TOMM5: variants seen among roughly 807,000 people sequenced by gnomAD.
TOMM5 encodes the protein mitochondrial import receptor subunit TOM5 homolog.
In TOMM5, 1 loss-of-function variant was observed where a neutral mutation model predicts 4.8. The ratio of observed to expected loss-of-function variants is 0.21; its 90% CI spans 0.07 to 0.99. TOMM5 has a LOEUF of 0.99. TOMM5 is among the 50% of genes least tolerant of loss of function. The pLI is 0.60. For synonymous variants in TOMM5, 26 were observed against 26.7 expected, an observed-to-expected ratio of 0.97 and a Z score of 0.08; for missense variants, 60 against 66.6, an observed-to-expected ratio of 0.90 and a Z score of 0.35.
At chr9:37,589,004 G>T in intron 1 of TOMM5, 72 bp from the exon 2 acceptor site, 1 of 1,342,688 alleles carries the variant, frequency 7.4e-7, no homozygotes, top group Non-Finnish European at 1.1e-6. Context: ...GAATTATCAG[G>T]TTTATTCAAC....
chr9:37,588,816 T>G lies in TOMM5; in HGVS notation c.*82A>C. The stretch of plus-strand genomic sequence containing the variant: ...CCATTCAAAGAGTCTCTTACACCTT[T>G]CTGGGCCTATTCACTTGCAGAGAGG... On this transcript the variant is annotated 3_prime_UTR_variant, in exon 2 of 2. Coordinates refer to ENST00000321301, the MANE Select transcript of TOMM5 (RefSeq NM_001001790.3). The G allele has an allele frequency of 7.3e-7, 1 of 1,377,546 alleles. No individual in the cohort carries two copies. The highest frequency in any genetic ancestry group is 1.0e-6 in the Non-Finnish European group (1 of 964,840). 85.3% of individuals were successfully genotyped at this position (1,377,546 alleles called of 1,614,324 possible).
chr9:37,592,224 C>G, intron 1 of TOMM5, 188 bp downstream of exon 1: 1 of 1,530,948 alleles, frequency 6.5e-7, no homozygotes, highest in South Asian at 1.2e-5. Context: ...ACCACGTGCA[C>G]TTCAGTGCCC....
Position 37,592,591 on chromosome 9 carries a change from C to A in TOMM5, c.-59G>T, listed in dbSNP as rs1588875010. The A allele has an allele frequency of 1.3e-6, 2 of 1,575,282 alleles. No individual in the cohort carries two copies. Among genetic ancestry groups the A allele is most frequent in the Non-Finnish European group, 8.6e-7 (1 of 1,160,482 alleles). On this transcript the variant is annotated 5_prime_UTR_variant, in exon 1 of 2. Transcript: ENST00000321301. ...GCTCTGCTCTCCACGGTGGCCGCCT[C>A]GCGCCCGGAACTCGGCCTATCCTCA... is the stretch of plus-strand genomic sequence containing the variant.
Position 37,588,874 on chromosome 9 carries a change from G to A in TOMM5, c.*24C>T. On this transcript the variant is annotated 3_prime_UTR_variant, in exon 2 of 2. Coordinates refer to ENST00000321301, the MANE Select transcript of TOMM5 (RefSeq NM_001001790.3). ...ACTGTAACCAGGCTCTTCATATCGT[G>A]CATTCATATGTGATGTCCTGTCTTC... 6.2e-7 allele frequency: 1 copy of A among 1,612,416 alleles called. No individual in the cohort carries two copies.
At chr9:37,589,421 T>C (rs1823066423) in intron 1 of TOMM5, among the ~76,000 whole-genome samples, 1 of 152,162 alleles carries the variant, frequency 6.6e-6, no homozygotes, top group Non-Finnish European at 1.5e-5. Flanking sequence ...CTAGATCACA[T>C]CTGATACAGT....
In TOMM5 at chr9:37,592,434, G is replaced by A. The variant is rs918215468; in HGVS notation, c.99C>T (p.Ile33=). The A allele has an allele frequency of 1.2e-6, 2 of 1,614,154 alleles. No homozygotes were observed. Among genetic ancestry groups the A allele is most frequent in the South Asian group, 1.1e-5 (1 of 91,058 alleles). ...DVISSIRNFL[I]YVALLRVTPF... ...CACTGACTCGCAGGAGGGCCACGTAGATGAGAAAGTTCCGTATGGAGGAGA... is the reference window on the plus strand; with the variant it reads ...CACTGACTCGCAGGAGGGCCACGTAAATGAGAAAGTTCCGTATGGAGGAGA... The change falls in exon 1 of 2, where the codon ATC becomes ATT. Residue 33 remains isoleucine (I), a synonymous_variant. Coordinates refer to ENST00000321301, the MANE Select transcript of TOMM5 (RefSeq NM_001001790.3).
intron 1 of TOMM5, chr9:37,592,141 G>A: frequency 7.4e-7 from 1 of 1,355,044 alleles, no homozygotes; most frequent in Non-Finnish European, 9.9e-7. Context: ...TTACAGGTGT[G>A]AGCCAACGCG....
intron 1 of TOMM5, among the ~76,000 whole-genome samples, chr9:37,590,009 A>T (rs921363293): frequency 1.3e-5 from 2 of 152,336 alleles, no homozygotes; most frequent in Non-Finnish European, 2.9e-5. Context: ...GTTCTGACAC[A>T]TGCTACAACA....
In TOMM5 at chr9:37,592,589, C is replaced by T; in HGVS notation, c.-57G>A. 6.3e-7 allele frequency: 1 copy of T among 1,577,258 alleles called. No individual in the cohort carries two copies. Among genetic ancestry groups the T allele is most frequent in the Non-Finnish European group, 8.6e-7 (1 of 1,161,252 alleles). ...GCGCTCTGCTCTCCACGGTGGCCGC[C>T]TCGCGCCCGGAACTCGGCCTATCCT... On this transcript the variant is annotated 5_prime_UTR_variant, in exon 1 of 2. Coordinates refer to ENST00000321301, the MANE Select transcript of TOMM5 (RefSeq NM_001001790.3).
Position 37,592,231 on chromosome 9 carries a change from GCCC to G in TOMM5, c.121+178_121+180del, listed in dbSNP as rs754546259. On this transcript the variant is annotated intron_variant, in intron 1 of 1. Coordinates refer to ENST00000321301, the MANE Select transcript of TOMM5 (RefSeq NM_001001790.3). The stretch of plus-strand genomic sequence containing the variant: ...CGCCGGCCACCACGTGCACTTCAGT[GCCC>G]GGACCCTGACCCGCAGACCTCAAAC... 2.3e-5 allele frequency: 35 copies of G among 1,537,120 alleles called. No homozygotes were observed. The East Asian group carries it at 2.5e-4, about 11-fold the overall frequency.
chr9:37,588,790 T>C lies in TOMM5; in HGVS notation c.*108A>G, dbSNP rs1453507244. 1.8e-6 allele frequency: 2 copies of C among 1,103,388 alleles called. No homozygotes were observed. The highest frequency in any genetic ancestry group is 3.1e-5 in the African/African-American group (2 of 65,086). 68.3% of individuals were successfully genotyped at this position (1,103,388 alleles called of 1,614,324 possible). ...TGTTCTTAACAAGCAGAATTTTATG[T>C]CCATTCAAAGAGTCTCTTACACCTT... On this transcript the variant is annotated 3_prime_UTR_variant, in exon 2 of 2. Coordinates refer to ENST00000321301, the MANE Select transcript of TOMM5 (RefSeq NM_001001790.3).
At chr9:37,590,502 A>G (rs1823083762) in intron 1 of TOMM5, among the ~76,000 whole-genome samples, 1 of 152,198 alleles carries the variant, frequency 6.6e-6, no homozygotes, top group East Asian at 1.9e-4. Flanking sequence ...TGGGGTAACA[A>G]TGAATTCGTA....
At chr9:37,591,118 T>C (rs1489462871) in intron 1 of TOMM5, among the ~76,000 whole-genome samples, 3 of 152,216 alleles carry the variant, frequency 2.0e-5, no homozygotes, top group Non-Finnish European at 2.9e-5. Context: ...CCTTCCTTCC[T>C]TGCTAAGTCC....
Position 37,592,590 on chromosome 9 carries a change from T to A in TOMM5, c.-58A>T. ...CGCTCTGCTCTCCACGGTGGCCGCC[T>A]CGCGCCCGGAACTCGGCCTATCCTC... On this transcript the variant is annotated 5_prime_UTR_variant, in exon 1 of 2. Transcript: ENST00000321301. 6.3e-7 allele frequency: 1 copy of A among 1,575,348 alleles called. No individual in the cohort carries two copies.
intron 1 of TOMM5, among the ~76,000 whole-genome samples, chr9:37,591,883 G>A (rs1588874494): frequency 1.3e-5 from 2 of 152,126 alleles, no homozygotes; most frequent in East Asian, 3.9e-4. Context: ...AAACGAGGGA[G>A]TTCCTCTAGG....
chr9:37,588,901 T>C lies in TOMM5; in HGVS notation c.153A>G (p.Ile51Met), dbSNP rs200232709. The C allele has an allele frequency of 1.4e-4, 225 of 1,613,940 alleles. 1 individual carries two copies. In the Middle Eastern group the frequency reaches 3.1e-3, roughly 22 times the overall value. The change falls in exon 2 of 2, where the codon ATA (isoleucine) becomes ATG (methionine). Residue 51 changes from isoleucine (I) to methionine (M), a missense_variant. Coordinates refer to ENST00000321301, the MANE Select transcript of TOMM5 (RefSeq NM_001001790.3). ...ATTCATATGTGATGTCCTGTCTTCA[T>C]ATGCTGTCCAATTTCTTTAAGATAA... Reference protein sequence around the residue: ...TPFILKKLDSI With the variant: ...TPFILKKLDSM
chr9:37,592,536 G>A lies in TOMM5; in HGVS notation c.-4C>T, dbSNP rs1339773470. On this transcript the variant is annotated 5_prime_UTR_variant, in exon 1 of 2. Coordinates refer to ENST00000321301, the MANE Select transcript of TOMM5 (RefSeq NM_001001790.3). ...CGAGGCCCTCAATCCGGAACATCGC[G>A]GCTCTGACTTAGCAGCTTCCAGCCG... 1.1e-5 allele frequency: 17 copies of A among 1,612,136 alleles called. No homozygotes were observed. The highest frequency in any genetic ancestry group is 1.4e-5 in the Non-Finnish European group (16 of 1,179,170).
In TOMM5 at chr9:37,592,548, G is replaced by C. The variant is rs774712397; in HGVS notation, c.-16C>G. On this transcript the variant is annotated 5_prime_UTR_variant, in exon 1 of 2. Transcript: ENST00000321301. ...TCCGGAACATCGCGGCTCTGACTTA[G>C]CAGCTTCCAGCCGCCGCGCTCTGCT... 4 of 1,607,414 alleles carry C rather than the reference G, an allele frequency of 2.5e-6. No homozygotes were observed. Among genetic ancestry groups the C allele is most frequent in the Non-Finnish European group, 3.4e-6 (4 of 1,176,148 alleles).
intron 1 of TOMM5, among the ~76,000 whole-genome samples, chr9:37,590,215 A>C (rs1230441171): frequency 1.3e-5 from 2 of 152,178 alleles, no homozygotes; most frequent in African/African-American, 4.8e-5. Context: ...CAGCATAATG[A>C]AACCTCGTGT....
Sources: allele counts gnomAD v4.1 joint callset (sites outside exome capture counted in the v4.1 genomes callset), GRCh38; gene constraint gnomAD v4.1.1; transcripts MANE v1.5; gene names NCBI Gene and HGNC (gene_info 2026-07-23, HGNC 2026-07-21).